Variants in SYT12 observed in about 807,000 individuals in gnomAD.
The protein encoded by SYT12 is synaptotagmin 12.
SYT12 carries 27 observed loss-of-function variants against 39.5 expected under a neutral mutation model. The observed-to-expected ratio is 0.68, with a 90% CI of 0.50 to 0.94. SYT12 has a LOEUF of 0.94. Among genes scored for constraint, SYT12 ranks in the 40% least tolerant of loss-of-function variants. The pLI, the probability that SYT12 is intolerant of heterozygous loss-of-function variation, is 0.00. For synonymous variants in SYT12, 233 were observed against 239.7 expected (o/e 0.97, Z 0.26); for missense variants, 536 against 572.6 (o/e 0.94, Z 0.65).
At chr11:67,024,448 C>G (rs1950154328) in intron 1 of SYT12, among the ~76,000 whole-genome samples, 1 of 152,194 alleles carries the variant, frequency 6.6e-6, no homozygotes, top group Non-Finnish European at 1.5e-5. Context: ...AGTGGGGGCT[C>G]CCAGCCTGGG....
At chr11:67,030,941 C>T (rs2136211425) in intron 2 of SYT12, 1 of 152,376 alleles carries the variant, frequency 6.6e-6, no homozygotes, top group East Asian at 1.9e-4. Flanking sequence ...CTCAGGTCTC[C>T]TGACTCCCAG....
At chr11:67,011,923 G>A (rs891472252) in intron 3 of SYT12, among the ~76,000 whole-genome samples, 7 of 151,368 alleles carry the variant, frequency 4.6e-5, no homozygotes, top group Non-Finnish European at 8.8e-5. Context: ...CCACCACCAC[G>A]TCCGGCTAAT....
rs1382954987 is a variant in SYT12, at chr11:67,034,808, C to T, written c.198C>T (p.Tyr66=). ...ACTACAGGTACCTTCAGCAGAAGTA[C>T]GGCGAGAGCTGCGCAGAGGCCAGGG... ...NYDYRYLQQK[Y]GESCAEAREK... is the part of the protein sequence containing the mutation. Residue 66 remains tyrosine (Y), a synonymous_variant, in exon 3 of 8, where the codon TAC becomes TAT. Coordinates refer to ENST00000527043, the MANE Select transcript of SYT12 (RefSeq NM_177963.4). The T allele has an allele frequency of 6.3e-6, 10 of 1,584,608 alleles. No individual in the cohort carries two copies. Among genetic ancestry groups the T allele is most frequent in the Admixed American group, 1.9e-5 (1 of 52,072 alleles).
At chr11:67,046,003 A>G in intron 7 of SYT12, 126 bp downstream of exon 7, 1 of 1,305,676 alleles carries the variant, frequency 7.7e-7, no homozygotes, top group South Asian at 1.4e-5. Flanking sequence ...ATCACTTTCT[A>G]GCAGTTATTG....
intron 2 of SYT12, chr11:67,030,752 G>C (rs1004701051): frequency 6.6e-6 from 1 of 152,402 alleles, no homozygotes; most frequent in African/African-American, 2.4e-5. Context: ...GCCTCAGCAG[G>C]GAGATGGGAG....
chr11:67,016,081 G>C (rs1206883026), intron 3 of SYT12, among the ~76,000 whole-genome samples: 1 of 152,112 alleles, frequency 6.6e-6, no homozygotes, highest in Non-Finnish European at 1.5e-5. Context: ...AGGAGTTCGA[G>C]ACCAGCCTGA....
At chr11:67,036,761 C>T (rs1454420493) in intron 3 of SYT12, among the ~76,000 whole-genome samples, 1 of 137,728 alleles carries the variant, frequency 7.3e-6, no homozygotes, top group African/African-American at 2.4e-5. Context: ...CATGGTGAAA[C>T]CCTGTCTCTA....
chr11:67,023,097 G>A (rs1222860786), upstream of SYT12, among the ~76,000 whole-genome samples: 1 of 152,220 alleles, frequency 6.6e-6, no homozygotes, highest in Non-Finnish European at 1.5e-5. Flanking sequence ...GTTGGGCTTG[G>A]CCTCAGGGCG....
chr11:67,044,207 CATT>C (rs1301990313), intron 5 of SYT12, among the ~76,000 whole-genome samples: 1 of 152,212 alleles, frequency 6.6e-6, no homozygotes, highest in East Asian at 1.9e-4. Flanking sequence ...CACAGAACAT[CATT>C]GTTGTTTAAT....
Position 67,030,188 on chromosome 11 carries a change from C to G in SYT12, c.34+10C>G, listed in dbSNP as rs779651800. Reference sequence around the variant, plus strand: ...GAATACCATCTGAGCGGTGAGTGCCCAGGGCAAACCCCTCCTGGATCACGC... The same window carrying G: ...GAATACCATCTGAGCGGTGAGTGCCGAGGGCAAACCCCTCCTGGATCACGC... On this transcript the variant is annotated intron_variant, in intron 2 of 7. Transcript: ENST00000527043. 6.2e-7 allele frequency: 1 copy of G among 1,614,074 alleles called. No individual in the cohort carries two copies. Among genetic ancestry groups the G allele is most frequent in the Admixed American group, 1.7e-5 (1 of 60,030 alleles).
rs199879559 is a variant in SYT12, at chr11:67,043,860, G to T, written c.837+7G>T. ...TTTACAGGACCAGAACAAGGTAAGTGACTTGCCTGCTCGTCCACCTCGGAA... is the reference window on the plus strand; with the variant it reads ...TTTACAGGACCAGAACAAGGTAAGTTACTTGCCTGCTCGTCCACCTCGGAA... On this transcript the variant is annotated splice_region_variant and intron_variant, in intron 5 of 7. Transcript: ENST00000527043. 3.3e-4 allele frequency: 530 copies of T among 1,613,600 alleles called. No individual in the cohort carries two copies. The African/African-American group carries it at 6.4e-3, about 19-fold the overall frequency.
intron 1 of SYT12, among the ~76,000 whole-genome samples, chr11:67,025,623 C>A (rs1480482770): frequency 6.6e-6 from 1 of 152,108 alleles, no homozygotes; most frequent in African/African-American, 2.4e-5. Context: ...AGCGGGAGCC[C>A]ACTGAGGTGG....
intron 3 of SYT12, among the ~76,000 whole-genome samples, chr11:67,037,585 T>TAAATAAAA (rs1301798460): frequency 6.6e-6 from 1 of 150,546 alleles, no homozygotes; most frequent in African/African-American, 2.4e-5. Flanking sequence ...AATAAATAAA[T>TAAATAAAA]AAAATTAGCT....
intron 2 of SYT12, chr11:67,030,664 C>T (rs1363784199): frequency 6.5e-6 from 1 of 153,456 alleles, no homozygotes; most frequent in African/African-American, 2.4e-5. Context: ...GCCTGGGCAA[C>T]AGAGTGAGAC....
intron 3 of SYT12, among the ~76,000 whole-genome samples, chr11:67,035,317 C>T (rs1312716531): frequency 4.0e-5 from 6 of 149,454 alleles, no homozygotes; most frequent in Non-Finnish European, 7.4e-5. Flanking sequence ...TAACTGCTAA[C>T]GTTTTCTTTC....
chr11:67,018,478 T>C (rs1394418506), upstream of SYT12, among the ~76,000 whole-genome samples: 2 of 151,846 alleles, frequency 1.3e-5, no homozygotes, highest in African/African-American at 2.4e-5. Flanking sequence ...TGAGCCATGA[T>C]CTTACCACCA....
chr11:67,015,582 G>GGGCT (rs1473060023), intron 3 of SYT12, among the ~76,000 whole-genome samples: 1 of 152,172 alleles, frequency 6.6e-6, no homozygotes, highest in Non-Finnish European at 1.5e-5. Context: ...CAGGACTGGT[G>GGGCT]GGCTGCACAT....
At position 67,043,151 on chromosome 11, in the gene SYT12, C is replaced by T. The variant is rs1011190772; in HGVS notation, c.622-487C>T. Among the ~76,000 whole-genome samples the T allele has an allele frequency of 1.1e-4, 16 of 152,296 alleles. 1 individual carries two copies. Among genetic ancestry groups the T allele is most frequent in the Admixed American group, 7.8e-4 (12 of 15,304 alleles). On this transcript the variant is annotated intron_variant, in intron 4 of 7. Coordinates refer to ENST00000527043, the MANE Select transcript of SYT12 (RefSeq NM_177963.4). ...ACCAGGCAGGACTGGGCTTGGAAAC[C>T]GAGTTGGCCCAACCTCGCCTAGTCC...
At chr11:67,018,813 A>G (rs1950079945), upstream of SYT12, among the ~76,000 whole-genome samples, 1 of 151,238 alleles carries the variant, frequency 6.6e-6, no homozygotes, top group Admixed American at 6.6e-5. Flanking sequence ...ACAGAGCGAG[A>G]CTCCGTCTCA....
Sources: gnomAD v4.1 joint callset for allele counts (sites outside exome capture counted in the v4.1 genomes callset) on GRCh38, gnomAD v4.1.1 for gene constraint, MANE v1.5 for transcripts, NCBI Gene and HGNC (gene_info 2026-07-23, HGNC 2026-07-21) for gene names.